The following TSNARE1 variants were observed in gnomAD, a reference collection of about 807,000 sequenced individuals.
TSNARE1 encodes t-SNARE domain-containing protein 1.
In TSNARE1, 49 loss-of-function variants were observed where a neutral mutation model predicts 62.0. The observed-to-expected ratio is 0.79, with a 90% CI of 0.63 to 1.00. TSNARE1 has a LOEUF of 1.00. Among genes scored for constraint, TSNARE1 ranks in the 50% least tolerant of loss-of-function variants. The pLI is 0.00. For missense variants in TSNARE1, 755 were observed against 700.1 expected (o/e 1.08, Z -0.88); for synonymous variants, 328 against 294.4 (o/e 1.11, Z -1.17).
intron 10 of TSNARE1, among the ~76,000 whole-genome samples, chr8:142,294,082 G>A (rs1824264911): frequency 6.6e-6 from 1 of 152,170 alleles, no homozygotes; most frequent in African/African-American, 2.4e-5. Context: ...GCCCAGGGAG[G>A]GGAGGAAAGA....
chr8:142,332,256 C>T (rs571538164), intron 4 of TSNARE1, among the ~76,000 whole-genome samples: 18 of 152,234 alleles, frequency 1.2e-4, no homozygotes, highest in African/African-American at 3.9e-4. Context: ...AACAGAAACA[C>T]TGGTTTCCGC....
intron 12 of TSNARE1, among the ~76,000 whole-genome samples, chr8:142,267,351 G>A (rs1297636192): frequency 6.6e-6 from 1 of 152,214 alleles, no homozygotes; most frequent in African/African-American, 2.4e-5. Context: ...CTCAGGGCAA[G>A]AACCTTCCTC....
chr8:142,255,899 C>CCA (rs1818472949), intron 12 of TSNARE1, among the ~76,000 whole-genome samples: 1 of 2,460 alleles, frequency 4.1e-4, no homozygotes. Context: ...ACCACCACCA[C>CCA]TGTCACCATC....
chr8:142,304,461 G>A (rs1255356895), intron 9 of TSNARE1, among the ~76,000 whole-genome samples: 3 of 152,216 alleles, frequency 2.0e-5, no homozygotes, highest in African/African-American at 7.2e-5. Flanking sequence ...CGTGGTCTAT[G>A]CCCCTCAAGC....
rs11997703 is a variant in TSNARE1, at chr8:142,356,846, T to C, written c.-39-2083A>G. ...TGGAGAAGGTTTCAGGCTCGGGCAG[T>C]CTGGTTCCAACACCTGAGTTCTCTG... On this transcript the variant is annotated intron_variant, in intron 1 of 13. Transcript: ENST00000524325. Among the ~76,000 whole-genome samples, 913 of 151,910 alleles carry C rather than the reference T, an allele frequency of 6.0e-3. 10 individuals are homozygous for C. Among genetic ancestry groups the C allele is most frequent in the African/African-American group, 0.021 (856 of 41,414 alleles).
intron 2 of TSNARE1, 117 bp from the exon 3 acceptor site, chr8:142,346,009 C>G (rs1438116610): frequency 7.9e-7 from 1 of 1,269,974 alleles, no homozygotes. Context: ...CTCAGGGCTC[C>G]TCCTCCAGGA....
At chr8:142,261,951 G>A (rs1453231811) in intron 12 of TSNARE1, among the ~76,000 whole-genome samples, 1 of 152,214 alleles carries the variant, frequency 6.6e-6, no homozygotes, top group Non-Finnish European at 1.5e-5. Flanking sequence ...CTCCCCAACA[G>A]CCACTCCTTC....
chr8:142,283,412 G>A (rs1336409849), intron 11 of TSNARE1, among the ~76,000 whole-genome samples: 12 of 150,208 alleles, frequency 8.0e-5, no homozygotes, highest in Non-Finnish European at 1.5e-4. Context: ...GTCTATCAAT[G>A]AGCAGAGGCG....
At chr8:142,271,708 G>T in intron 12 of TSNARE1, 1 of 1,355,840 alleles carries the variant, frequency 7.4e-7, no homozygotes, top group Non-Finnish European at 9.5e-7. Flanking sequence ...GAGGGAGACA[G>T]GAAAATGTCA....
chr8:142,390,288 A>G (rs1383476572), intron 1 of TSNARE1, among the ~76,000 whole-genome samples: 2 of 151,654 alleles, frequency 1.3e-5, no homozygotes, highest in Non-Finnish European at 2.9e-5. Flanking sequence ...GACGCTGTAC[A>G]CTGCGGGGGA....
intron 7 of TSNARE1, among the ~76,000 whole-genome samples, chr8:142,315,801 C>T (rs939746283): frequency 6.6e-6 from 1 of 152,332 alleles, no homozygotes; most frequent in Middle Eastern, 3.4e-3. Context: ...AAGGCTAAGG[C>T]GGGCTGGTCT....
intron 11 of TSNARE1, chr8:142,275,095 C>T: frequency 2.0e-6 from 2 of 985,378 alleles, no homozygotes; most frequent in South Asian, 9.4e-5. Context: ...GAAGGGGACT[C>T]CTCAGTGCCC....
intron 1 of TSNARE1, among the ~76,000 whole-genome samples, chr8:142,379,344 G>A (rs929480951): frequency 6.6e-6 from 1 of 152,200 alleles, no homozygotes; most frequent in African/African-American, 2.4e-5. Flanking sequence ...CTCCCAGTGA[G>A]CAGCAGCTCT....
chr8:142,389,820 A>G (rs1837360090), intron 1 of TSNARE1, among the ~76,000 whole-genome samples: 1 of 151,696 alleles, frequency 6.6e-6, no homozygotes, highest in Non-Finnish European at 1.5e-5. Context: ...CTGGAAGGAC[A>G]AACAGTCATT....
At chr8:142,236,291 G>A (rs550960428) in intron 12 of TSNARE1, among the ~76,000 whole-genome samples, 264 of 152,104 alleles carry the variant, frequency 1.7e-3, no homozygotes, top group Middle Eastern at 0.014. Flanking sequence ...TCAGGGCAGG[G>A]CAGGTTCAGA....
chr8:142,276,014 C>T (rs908570789), intron 11 of TSNARE1: 15 of 985,438 alleles, frequency 1.5e-5, no homozygotes, highest in Middle Eastern at 5.2e-4. Flanking sequence ...GAAGCCCCCA[C>T]CCAGGCCTCA....
chr8:142,275,312 C>G (rs1820284409), intron 11 of TSNARE1: 2 of 985,324 alleles, frequency 2.0e-6, no homozygotes, highest in Non-Finnish European at 2.4e-6. Flanking sequence ...TCTGCAAGCA[C>G]AGGGCTCTGG....
Position 142,291,843 on chromosome 8 carries a change from A to C in TSNARE1, c.1291-7358T>G, listed in dbSNP as rs1365748112. 6.6e-6 allele frequency among the ~76,000 whole-genome samples: 1 copy of C among 152,018 alleles called. No individual in the cohort carries two copies. Among genetic ancestry groups the C allele is most frequent in the East Asian group, 1.9e-4 (1 of 5,144 alleles). On this transcript the variant is annotated intron_variant, in intron 10 of 13. Transcript: ENST00000524325. The surrounding 1 kb of genome is among the most constrained non-coding windows in gnomAD (Gnocchi z 4.8). The stretch of plus-strand genomic sequence containing the variant: ...GCCTCGGGCAATAGGAACCAGGAGC[A>C]GGGGTGGCCGGGCCTGCCCAGGGAA...
At chr8:142,356,489 TCAA>T (rs1834748331) in intron 1 of TSNARE1, among the ~76,000 whole-genome samples, 1 of 152,154 alleles carries the variant, frequency 6.6e-6, no homozygotes, top group Admixed American at 6.5e-5. Context: ...GAGGCAGGTC[TCAA>T]CGCAGCGAGC....
Sources: allele counts gnomAD v4.1 joint callset (sites outside exome capture counted in the v4.1 genomes callset), GRCh38; gene constraint gnomAD v4.1.1; non-coding constraint Gnocchi (gnomAD v3.1); transcripts MANE v1.5; gene names NCBI Gene and HGNC (gene_info 2026-07-23, HGNC 2026-07-21).